The following SPART variants were observed in gnomAD, a reference collection of about 807,000 sequenced individuals.
SPART encodes the protein spastic paraplegia 20 (Troyer syndrome).
Under a neutral mutation model 58.7 loss-of-function variants are expected in SPART, and 35 were observed. The ratio of observed to expected loss-of-function variants is 0.60; its 90% CI spans 0.46 to 0.79. The LOEUF is 0.79. Among genes scored for constraint, SPART ranks in the 30% least tolerant of loss-of-function variants. The probability of loss-of-function intolerance (pLI) is 0.00; values close to 1 mark genes in which losing one functional copy is unlikely to be tolerated. For missense variants in SPART, 730 were observed against 786.1 expected (o/e 0.93, Z 0.85); for synonymous variants, 284 against 280.7 (o/e 1.01, Z -0.12).
rs1262694698 is a variant in SPART, at chr13:36,303,434, T to G, written c.*931A>C. On this transcript the variant is annotated 3_prime_UTR_variant, in exon 9 of 9. Transcript: ENST00000438666. Reference sequence around the variant, plus strand: ...TCTAAGGTTTTCATATTCTTTACCCTGATTATGAATAGAACCTTTCCTTTT... The same window carrying G: ...TCTAAGGTTTTCATATTCTTTACCCGGATTATGAATAGAACCTTTCCTTTT... The G allele has an allele frequency of 1.3e-5, 2 of 152,160 alleles. No homozygotes were observed. The highest frequency in any genetic ancestry group is 4.8e-5 in the African/African-American group (2 of 41,458). 9.4% of individuals were successfully genotyped at this position (152,160 alleles called of 1,614,324 possible).
At position 36,345,823 on chromosome 13, in the gene SPART, C is replaced by A. The variant is rs576818147; in HGVS notation, c.-3+402G>T. Among the ~76,000 whole-genome samples, 13 of 152,194 alleles carry A rather than the reference C, an allele frequency of 8.5e-5. 1 individual carries two copies. The South Asian group carries it at 2.7e-3, about 32-fold the overall frequency. On this transcript the variant is annotated intron_variant, in intron 1 of 8. Coordinates refer to ENST00000438666, the MANE Select transcript of SPART (RefSeq NM_015087.5). ...AACCTTGACGGGGCCATGGGCGCTG[C>A]GGGAGGGCAAAAGACCACAGAGATC... is the stretch of plus-strand genomic sequence containing the variant.
chr13:36,363,925 A>G (rs1178499792), intron 1 of SPART, among the ~76,000 whole-genome samples: 1 of 152,186 alleles, frequency 6.6e-6, no homozygotes, highest in African/African-American at 2.4e-5. Flanking sequence ...GGAAACTAGC[A>G]TTGGTATGTA....
At chr13:36,363,307 T>C (rs1885936521) in intron 1 of SPART, among the ~76,000 whole-genome samples, 2 of 152,350 alleles carry the variant, frequency 1.3e-5, no homozygotes, top group East Asian at 1.9e-4. Context: ...TGGAATTCTC[T>C]TTCCTAGTGT....
intron 4 of SPART, among the ~76,000 whole-genome samples, chr13:36,328,730 T>A (rs746151499): frequency 2.6e-5 from 4 of 152,068 alleles, no homozygotes; most frequent in Non-Finnish European, 5.9e-5. Context: ...TCAGAGCCTA[T>A]GAAATGAAAG....
intron 1 of SPART, among the ~76,000 whole-genome samples, chr13:36,359,923 T>A (rs1482318423): frequency 5.0e-5 from 6 of 120,308 alleles, no homozygotes; most frequent in South Asian, 2.8e-4. Context: ...GTTGTTAATT[T>A]AAAAAAAAAA....
chr13:36,323,524 C>T (rs1042934779), intron 5 of SPART, among the ~76,000 whole-genome samples: 19 of 152,100 alleles, frequency 1.2e-4, no homozygotes, highest in Admixed American at 6.5e-5. Flanking sequence ...TTTACTTATT[C>T]TTTGACAGTG....
At chr13:36,333,431 T>TTA (rs887321444) in intron 2 of SPART, among the ~76,000 whole-genome samples, 3 of 85,980 alleles carry the variant, frequency 3.5e-5, no homozygotes, top group African/African-American at 2.2e-4. Context: ...ATTATTGTAT[T>TTA]TTTTTTTTTT....
chr13:36,306,219 T>G (rs1880496272), intron 8 of SPART, among the ~76,000 whole-genome samples: 1 of 152,202 alleles, frequency 6.6e-6, no homozygotes. Flanking sequence ...CAGTCCCTGT[T>G]ATGCAACCCC....
chr13:36,357,562 T>C lies in SPART; in HGVS notation c.-3+12527A>G, dbSNP rs559935901. ...TTCTGTTTAAACACTGCTTGTCTTTTTATAAAAGGAACCTATAAGTGGAAT... is the reference window on the plus strand; with the variant it reads ...TTCTGTTTAAACACTGCTTGTCTTTCTATAAAAGGAACCTATAAGTGGAAT... On this transcript the variant is annotated intron_variant, in intron 1 of 8. Coordinates refer to the SPART transcript ENST00000355182. 2.0e-5 allele frequency among the ~76,000 whole-genome samples: 3 copies of C among 152,342 alleles called. No homozygotes were observed. The South Asian group carries it at 6.2e-4, about 32-fold the overall frequency.
intron 5 of SPART, among the ~76,000 whole-genome samples, chr13:36,321,379 A>G (rs1319112581): frequency 1.3e-5 from 2 of 152,204 alleles, no homozygotes; most frequent in African/African-American, 4.8e-5. Flanking sequence ...GAATCTCCTT[A>G]GGCGCTCTCT....
intron 8 of SPART, among the ~76,000 whole-genome samples, chr13:36,309,277 T>A (rs999158888): frequency 1.1e-4 from 16 of 150,912 alleles, no homozygotes; most frequent in Admixed American, 2.0e-4. Flanking sequence ...TCCAAAATGA[T>A]ATGCCACATT....
intron 2 of SPART, among the ~76,000 whole-genome samples, chr13:36,333,535 A>T (rs1022696111): frequency 3.3e-5 from 5 of 151,644 alleles, no homozygotes; most frequent in African/African-American, 1.2e-4. Flanking sequence ...AGAACCTCTT[A>T]AAGAGACTCA....
chr13:36,336,071 T>G (rs1015350790), intron 1 of SPART, among the ~76,000 whole-genome samples: 45 of 152,334 alleles, frequency 3.0e-4, no homozygotes, highest in Middle Eastern at 6.8e-3. Context: ...TTTAAAAACA[T>G]AAGAGAATAA....
intron 1 of SPART, among the ~76,000 whole-genome samples, chr13:36,354,550 T>C (rs1885547524): frequency 6.6e-6 from 1 of 152,234 alleles, no homozygotes; most frequent in African/African-American, 2.4e-5. Context: ...ACTTTGCACA[T>C]GTTGTCATGC....
At position 36,329,405 on chromosome 13, in the gene SPART, T is replaced by C. The variant is rs1261134164; in HGVS notation, c.1121A>G (p.Gln374Arg). 1.2e-6 allele frequency: 2 copies of C among 1,614,092 alleles called. No homozygotes were observed. The highest frequency in any genetic ancestry group is 2.7e-5 in the African/African-American group (2 of 74,944). The change falls in exon 4 of 9, where the codon CAA becomes CGA. Residue 374 changes from glutamine to arginine, a missense_variant. Physicochemically the swap from Gln to Arg is conservative, Grantham distance 43. Transcript: ENST00000438666. ...TTTATGACGTACATCCTTATTGCCT[T>C]GGTCCAACTGTTTCACATCAGTGCC... ...ASGTDVKQLD[Q>R]GNKDVRHKGK... is the part of the protein sequence containing the mutation.
intron 8 of SPART, among the ~76,000 whole-genome samples, chr13:36,310,828 T>C (rs1881013784): frequency 6.6e-6 from 1 of 151,036 alleles, no homozygotes; most frequent in African/African-American, 2.4e-5. Context: ...GTCACACAAA[T>C]CACCTCTCCC....
intron 1 of SPART, chr13:36,369,676 TAACA>T (rs1223087711): frequency 2.0e-5 from 3 of 152,208 alleles, no homozygotes; most frequent in Non-Finnish European, 4.4e-5. Context: ...ACAGGTAAAG[TAACA>T]AACAAAGGAG....
At chr13:36,317,385 A>G (rs1881823341) in intron 5 of SPART, among the ~76,000 whole-genome samples, 1 of 151,666 alleles carries the variant, frequency 6.6e-6, no homozygotes, top group Non-Finnish European at 1.5e-5. Flanking sequence ...AAGTACCCCA[A>G]CCTCGTATCT....
intron 1 of SPART, among the ~76,000 whole-genome samples, chr13:36,358,627 A>G (rs1593293733): frequency 6.6e-6 from 1 of 152,230 alleles, no homozygotes; most frequent in African/African-American, 2.4e-5. Flanking sequence ...ATTTATATGT[A>G]GAGAAGTCCC....
Sources: allele counts gnomAD v4.1 joint callset (sites outside exome capture counted in the v4.1 genomes callset), GRCh38; gene constraint gnomAD v4.1.1; transcripts MANE v1.5; gene names NCBI Gene and HGNC (gene_info 2026-07-23, HGNC 2026-07-21).